Variants in MARCHF1 observed in about 807,000 individuals in gnomAD.
MARCHF1 encodes membrane associated ring-CH-type finger 1, also known as E3 ubiquitin-protein ligase MARCHF1.
MARCHF1 carries 40 observed loss-of-function variants against 54.2 expected under a neutral mutation model. The ratio of observed to expected loss-of-function variants is 0.74; its 90% confidence interval spans 0.57 to 0.96. The LOEUF (loss-of-function observed/expected upper bound fraction) is 0.96, where lower values mean the gene tolerates loss of function less well. Among genes scored for constraint, MARCHF1 ranks in the 40% least tolerant of loss-of-function variants. MARCHF1 has a pLI of 0.00. For synonymous variants in MARCHF1, 236 were observed against 236.3 expected, an observed-to-expected ratio of 1.00 and a Z score of 0.01; for missense variants, 586 against 656.5, an observed-to-expected ratio of 0.89 and a Z score of 1.17.
chr4:164,262,831 C>G (rs1286538675), intron 1 of MARCHF1, among the ~76,000 whole-genome samples: 2 of 152,044 alleles, frequency 1.3e-5, no homozygotes, highest in African/African-American at 4.8e-5. Flanking sequence ...CCCAATATCA[C>G]AGAAGGAGGA....
At chr4:164,186,430 C>T (rs1197812324) in intron 1 of MARCHF1, among the ~76,000 whole-genome samples, 1 of 152,192 alleles carries the variant, frequency 6.6e-6, no homozygotes, top group Non-Finnish European at 1.5e-5. Flanking sequence ...ATACACTGCT[C>T]ACTTCCAACT....
chr4:163,770,743 G>T (rs982912717), intron 4 of MARCHF1, among the ~76,000 whole-genome samples: 4 of 152,178 alleles, frequency 2.6e-5, no homozygotes, highest in African/African-American at 9.7e-5. Flanking sequence ...ATGGGAAAAA[G>T]GTTGAGAGGG....
intron 4 of MARCHF1, among the ~76,000 whole-genome samples, chr4:163,756,289 A>G (rs1399709032): frequency 6.6e-6 from 1 of 152,116 alleles, no homozygotes; most frequent in Non-Finnish European, 1.5e-5. Flanking sequence ...ACTATCTACT[A>G]CACCAGTATA....
chr4:163,729,765 C>G (rs1483887905), intron 4 of MARCHF1, among the ~76,000 whole-genome samples: 1 of 152,028 alleles, frequency 6.6e-6, no homozygotes, highest in Non-Finnish European at 1.5e-5. Context: ...ATTTGGGCCA[C>G]CAAAATTTCT....
chr4:164,097,927 A>C (rs979834589), intron 2 of MARCHF1, among the ~76,000 whole-genome samples: 1 of 152,148 alleles, frequency 6.6e-6, no homozygotes, highest in Non-Finnish European at 1.5e-5. Context: ...TTCATGGTGG[A>C]ACACAGAAGC....
intron 4 of MARCHF1, among the ~76,000 whole-genome samples, chr4:163,710,772 C>T (rs1434207218): frequency 1.3e-5 from 2 of 152,144 alleles, no homozygotes; most frequent in African/African-American, 4.8e-5. Flanking sequence ...ATTCACACAT[C>T]TTTATAGTAA....
intron 2 of MARCHF1, among the ~76,000 whole-genome samples, chr4:164,073,310 G>T (rs533398160): frequency 6.6e-5 from 10 of 152,146 alleles, no homozygotes; most frequent in African/African-American, 2.4e-4. Context: ...GGAATACTAT[G>T]CAGCCATAAA....
chr4:164,352,233 A>C (rs1382480470), intron 1 of MARCHF1, among the ~76,000 whole-genome samples: 1 of 115,764 alleles, frequency 8.6e-6, no homozygotes, highest in African/African-American at 2.9e-5. Context: ...AAGGCAGGCC[A>C]ATGTTCAGAT....
intron 3 of MARCHF1, among the ~76,000 whole-genome samples, chr4:163,900,765 T>C (rs934279848): frequency 6.6e-6 from 1 of 152,164 alleles, no homozygotes; most frequent in African/African-American, 2.4e-5. Context: ...TTTCTTGTGC[T>C]TGGTATTGTG....
chr4:164,371,639 T>G (rs1046183309), intron 1 of MARCHF1, among the ~76,000 whole-genome samples: 5 of 152,280 alleles, frequency 3.3e-5, no homozygotes, highest in African/African-American at 1.2e-4. Context: ...CATGAAAAGA[T>G]GCTCAATAGC....
chr4:164,056,337 C>G lies in MARCHF1; in HGVS notation c.-248+55251G>C, dbSNP rs564487901. On this transcript the variant is annotated intron_variant, in intron 2 of 9. Coordinates refer to ENST00000514618, the MANE Select transcript of MARCHF1 (RefSeq NM_001394959.1). The stretch of plus-strand genomic sequence containing the variant: ...AAAGGTGTGGAGGTATAAAAATATT[C>G]CAGCGATCCTGCTGTCTGATCAGGA... Among the ~76,000 whole-genome samples the G allele has an allele frequency of 2.0e-5, 3 of 152,158 alleles. No homozygotes were observed. In the East Asian group the frequency reaches 5.8e-4, roughly 29 times the overall value.
At chr4:164,092,492 G>GAT (rs1333571672) in intron 2 of MARCHF1, among the ~76,000 whole-genome samples, 3 of 152,078 alleles carry the variant, frequency 2.0e-5, no homozygotes, top group Non-Finnish European at 2.9e-5. Flanking sequence ...AACGGGATGT[G>GAT]ATATATATAA....
intron 1 of MARCHF1, among the ~76,000 whole-genome samples, chr4:164,302,730 A>T (rs1055353634): frequency 4.3e-4 from 65 of 152,130 alleles, no homozygotes; most frequent in African/African-American, 1.5e-3. Flanking sequence ...TTAGCTGGGC[A>T]TGGTGGCCCA....
intron 8 of MARCHF1, among the ~76,000 whole-genome samples, chr4:163,555,277 G>A (rs533475823): frequency 2.0e-5 from 3 of 152,256 alleles, no homozygotes; most frequent in Admixed American, 6.5e-5. Flanking sequence ...CAGGCACTCC[G>A]AGAGATTTTT....
intron 4 of MARCHF1, among the ~76,000 whole-genome samples, chr4:163,799,326 T>G (rs1205255789): frequency 6.6e-6 from 1 of 152,132 alleles, no homozygotes. Context: ...AGGTATTGTA[T>G]CTAGATGTTC....
intron 4 of MARCHF1, among the ~76,000 whole-genome samples, chr4:163,795,564 A>T (rs1747892770): frequency 6.6e-6 from 1 of 152,230 alleles, no homozygotes; most frequent in African/African-American, 2.4e-5. Context: ...ATTTACTTGT[A>T]TGGAAATGCA....
At chr4:164,156,270 T>C (rs147571158) in intron 1 of MARCHF1, among the ~76,000 whole-genome samples, 1 of 152,326 alleles carries the variant, frequency 6.6e-6, no homozygotes, top group East Asian at 1.9e-4. Flanking sequence ...ATGTTTGTCT[T>C]AGATATTCAT....
chr4:163,687,321 C>G (rs1286176763), intron 5 of MARCHF1, among the ~76,000 whole-genome samples: 2 of 151,648 alleles, frequency 1.3e-5, no homozygotes, highest in African/African-American at 4.8e-5. Flanking sequence ...TCCACCTCCC[C>G]GGTTCAAGGG....
chr4:163,948,704 G>A (rs1752070892), intron 3 of MARCHF1, among the ~76,000 whole-genome samples: 1 of 152,104 alleles, frequency 6.6e-6, no homozygotes. Context: ...GAAAACCTAA[G>A]TAGAACACTT....
Sources: allele counts gnomAD v4.1 joint callset (sites outside exome capture counted in the v4.1 genomes callset), GRCh38; gene constraint gnomAD v4.1.1; transcripts MANE v1.5; gene names NCBI Gene and HGNC (gene_info 2026-07-23, HGNC 2026-07-21).